The following TRPM3 variants were observed in gnomAD, a reference collection of about 807,000 sequenced individuals.
The protein encoded by TRPM3 is transient receptor potential cation channel subfamily M member 3, also known as long transient receptor potential channel 3.
A neutral mutation model predicts 181.2 loss-of-function variants in TRPM3; 77 were observed. The ratio of observed to expected loss-of-function variants is 0.42; its 90% confidence interval spans 0.35 to 0.51. The LOEUF is 0.51. Ranked by LOEUF, TRPM3 falls within the 20% of genes least tolerant of loss-of-function variation. The pLI is 0.01. For synonymous variants in TRPM3, 745 were observed against 796.4 expected, an observed-to-expected ratio of 0.94 and a Z score of 1.09; for missense variants, 1,759 against 2,196.7, an observed-to-expected ratio of 0.80 and a Z score of 3.98.
chr9:71,360,777 A>G (rs528603408), intron 1 of TRPM3, among the ~76,000 whole-genome samples: 47 of 152,308 alleles, frequency 3.1e-4, no homozygotes, highest in African/African-American at 1.1e-3. Flanking sequence ...TGCCCAGAGC[A>G]CAGCACTATG....
chr9:71,006,434 T>C (rs1013250137), intron 1 of TRPM3, among the ~76,000 whole-genome samples: 4 of 151,464 alleles, frequency 2.6e-5, no homozygotes, highest in African/African-American at 7.3e-5. Flanking sequence ...CCCAACTATA[T>C]GTTATCTAAG....
chr9:71,226,975 T>C (rs1693516021), intron 1 of TRPM3, among the ~76,000 whole-genome samples: 1 of 151,808 alleles, frequency 6.6e-6, no homozygotes, highest in East Asian at 1.9e-4. Context: ...GTCTCAAGTA[T>C]AGACCATATG....
At position 71,366,905 on chromosome 9, in the gene TRPM3, C is replaced by T. The variant is rs2092354231; in HGVS notation, c.183+79748G>A. ...TAGAAATCTTATAGATAAGATTTCACCAACTGAAAGAAGTTGAAGATTTTT... is the reference window on the plus strand; with the variant it reads ...TAGAAATCTTATAGATAAGATTTCATCAACTGAAAGAAGTTGAAGATTTTT... On this transcript the variant is annotated intron_variant, in intron 1 of 24. Coordinates refer to the TRPM3 transcript ENST00000357533. Among the ~76,000 whole-genome samples, 2 of 151,844 alleles carry T rather than the reference C, an allele frequency of 1.3e-5. 1 individual carries two copies. The highest frequency in any genetic ancestry group is 4.2e-4 in the South Asian group (2 of 4,816).
chr9:71,011,542 T>C lies in TRPM3; in HGVS notation c.177+109636A>G, dbSNP rs147431237. ...ATCAAACTTTTGTTATTTCATTTCC[T>C]ATAATTTTTAAGAAGTTCTTTATTA... is the stretch of plus-strand genomic sequence containing the variant. On this transcript the variant is annotated intron_variant, in intron 1 of 25. Coordinates refer to ENST00000677713, the MANE Select transcript of TRPM3 (RefSeq NM_001366145.2). 6.5e-3 allele frequency among the ~76,000 whole-genome samples: 996 copies of C among 152,252 alleles called. 6 individuals are homozygous for C. Among genetic ancestry groups the C allele is most frequent in the Middle Eastern group, 0.034 (10 of 292 alleles).
intron 21 of TRPM3, among the ~76,000 whole-genome samples, chr9:70,592,840 C>G (rs2058351042): frequency 6.6e-6 from 1 of 152,098 alleles, no homozygotes. Flanking sequence ...AAGCAATTGT[C>G]TGCCTCAGCC....
intron 1 of TRPM3, among the ~76,000 whole-genome samples, chr9:70,886,035 T>G (rs1196526668): frequency 6.6e-6 from 1 of 152,222 alleles, no homozygotes; most frequent in Non-Finnish European, 1.5e-5. Context: ...TAAATGTGAA[T>G]GTTATAGACT....
chr9:71,372,703 T>C (rs1384954113), intron 1 of TRPM3, among the ~76,000 whole-genome samples: 1 of 152,146 alleles, frequency 6.6e-6, no homozygotes, highest in Middle Eastern at 3.2e-3. Context: ...ATGAGGATCA[T>C]TTCACACATA....
At chr9:70,592,453 G>A (rs2058285146) in intron 21 of TRPM3, among the ~76,000 whole-genome samples, 1 of 152,210 alleles carries the variant, frequency 6.6e-6, no homozygotes, top group Non-Finnish European at 1.5e-5. Context: ...AAGCCGATTT[G>A]CAAGAGAAAG....
chr9:70,572,997 A>G (rs1000782028), intron 22 of TRPM3, among the ~76,000 whole-genome samples: 1 of 152,224 alleles, frequency 6.6e-6, no homozygotes, highest in South Asian at 2.1e-4. Flanking sequence ...AAATTTATAG[A>G]TGGTATAATT....
At position 71,409,164 on chromosome 9, in the gene TRPM3, G is replaced by A. The variant is rs181924240; in HGVS notation, c.183+37489C>T. Among the ~76,000 whole-genome samples the A allele has an allele frequency of 1.7e-4, 26 of 152,260 alleles. No homozygotes were observed. The East Asian group carries it at 5.0e-3, about 29-fold the overall frequency. Reference sequence around the variant, plus strand: ...AGCCACTGCAAAAACATGACAAATTGTAAAGACCATCGATGCTAGGAAGAC... The same window carrying A: ...AGCCACTGCAAAAACATGACAAATTATAAAGACCATCGATGCTAGGAAGAC... On this transcript the variant is annotated intron_variant, in intron 1 of 24. Transcript: ENST00000357533.
intron 6 of TRPM3, among the ~76,000 whole-genome samples, chr9:70,792,530 A>G (rs185718650): frequency 2.4e-4 from 37 of 151,634 alleles, no homozygotes; most frequent in Admixed American, 4.6e-4. Context: ...AATAAAAGAG[A>G]ATGAAAGAAA....
intron 1 of TRPM3, among the ~76,000 whole-genome samples, chr9:71,065,485 A>G (rs1362166700): frequency 6.6e-6 from 1 of 152,160 alleles, no homozygotes; most frequent in Admixed American, 6.6e-5. Context: ...CAGCTAATAC[A>G]GTCAAATCAC....
chr9:71,258,770 G>A (rs1256095346), intron 1 of TRPM3, among the ~76,000 whole-genome samples: 3 of 152,036 alleles, frequency 2.0e-5, no homozygotes, highest in Admixed American at 6.6e-5. Context: ...AGACCCAAAG[G>A]GGTAATAGAA....
intron 25 of TRPM3, among the ~76,000 whole-genome samples, chr9:70,544,617 C>A (rs770976702): frequency 1.3e-5 from 2 of 151,750 alleles, no homozygotes; most frequent in Non-Finnish European, 2.9e-5. Context: ...TTTTGGGGAA[C>A]CATGTCTAAG....
chr9:70,638,771 C>T (rs569562187), intron 11 of TRPM3, among the ~76,000 whole-genome samples: 2 of 152,266 alleles, frequency 1.3e-5, no homozygotes, highest in South Asian at 2.1e-4. Context: ...ACAGAACAAA[C>T]TGTGTTCTCA....
At chr9:71,319,329 G>T (rs1192415630) in intron 1 of TRPM3, among the ~76,000 whole-genome samples, 1 of 152,134 alleles carries the variant, frequency 6.6e-6, no homozygotes, top group Non-Finnish European at 1.5e-5. Context: ...AGGAAAGCCA[G>T]GGTTGTCATT....
At chr9:71,246,720 T>C (rs1326871844) in intron 1 of TRPM3, among the ~76,000 whole-genome samples, 1 of 152,218 alleles carries the variant, frequency 6.6e-6, no homozygotes, top group East Asian at 1.9e-4. Context: ...ATCTCAAAAT[T>C]GTCCTCTGTA....
At chr9:71,044,137 A>G (rs980094074) in intron 1 of TRPM3, among the ~76,000 whole-genome samples, 1 of 152,034 alleles carries the variant, frequency 6.6e-6, no homozygotes, top group African/African-American at 2.4e-5. Context: ...TATGATCTTA[A>G]TTATTAAGTT....
At chr9:70,857,680 T>C (rs1266930687) in intron 3 of TRPM3, among the ~76,000 whole-genome samples, 6 of 152,184 alleles carry the variant, frequency 3.9e-5, no homozygotes, top group East Asian at 1.9e-4. Context: ...TCAAGAACTA[T>C]GTTGTTAAAT....
Sources: gnomAD v4.1 joint callset for allele counts (sites outside exome capture counted in the v4.1 genomes callset) on GRCh38, gnomAD v4.1.1 for gene constraint, MANE v1.5 for transcripts, NCBI Gene and HGNC (gene_info 2026-07-23, HGNC 2026-07-21) for gene names.